The following ZDHHC9 variants were observed in gnomAD, a reference collection of about 807,000 sequenced individuals.
ZDHHC9 encodes palmitoyltransferase ZDHHC9.
ZDHHC9 carries 3 observed loss-of-function variants against 26.6 expected under a neutral mutation model. The observed-to-expected ratio is 0.11, with a 90% CI of 0.05 to 0.29. The LOEUF is 0.29. ZDHHC9 is among the 10% of genes least tolerant of loss of function. ZDHHC9 has a pLI of 1.00. For missense variants in ZDHHC9, 146 were observed against 296.4 expected, an observed-to-expected ratio of 0.49 and a Z score of 3.73; for synonymous variants, 111 against 109.4, an observed-to-expected ratio of 1.01 and a Z score of -0.09.
intron 2 of ZDHHC9, among the ~76,000 whole-genome samples, 195 bp from the exon 3 acceptor site, chrX:129,842,275 T>C (rs951874746): frequency 2.7e-5 from 3 of 112,351 alleles, no homozygotes; most frequent in Non-Finnish European, 5.6e-5. Flanking sequence ...GGAAAGGGGC[T>C]AGTATTTCTT....
Position 129,806,452 on chromosome X carries a change from G to C in ZDHHC9, c.1013C>G (p.Pro338Arg), listed in dbSNP as rs753807510. The change falls in exon 11 of 11, where the codon CCG becomes CGG. Residue 338 changes from proline (P) to arginine (R), a missense_variant. Pro to Arg is a moderately radical substitution (Grantham distance 103, BLOSUM62 -2). Coordinates refer to ENST00000357166, the MANE Select transcript of ZDHHC9 (RefSeq NM_016032.4). ...CTCTTCGGGAGTGCTGCTGTCCTCC[G>C]GCATCTCATTTGAGTTCAGGTGTTC... The part of the protein sequence containing the change: ...PTEHLNSNEM[P>R]EDSSTPEEMP... 1.7e-6 allele frequency: 2 copies of C among 1,209,380 alleles called. No homozygotes were observed. Among genetic ancestry groups the C allele is most frequent in the African/African-American group, 3.5e-5 (2 of 56,944 alleles).
intron 5 of ZDHHC9, 29 bp downstream of exon 5, chrX:129,823,650 C>G: frequency 8.3e-7 from 1 of 1,211,173 alleles, no homozygotes; most frequent in South Asian, 1.8e-5. Flanking sequence ...AGCCTTTTCC[C>G]TAGGCAATGT....
At chrX:129,833,403 AG>A (rs1428898642) in intron 3 of ZDHHC9, among the ~76,000 whole-genome samples, 2 of 111,695 alleles carry the variant, frequency 1.8e-5, no homozygotes, top group Non-Finnish European at 3.8e-5. Flanking sequence ...AGTTCACTGG[AG>A]GGATGATGAT....
intron 8 of ZDHHC9, among the ~76,000 whole-genome samples, chrX:129,812,177 G>A (rs1269282368): frequency 2.7e-5 from 3 of 110,037 alleles, no homozygotes; most frequent in Non-Finnish European, 5.7e-5. Context: ...TCCACCTCCC[G>A]GGTTCAAGTG....
chrX:129,823,665 G>A lies in ZDHHC9; in HGVS notation c.487+14C>T, dbSNP rs116739660. 14,595 of 1,209,966 alleles carry A rather than the reference G, an allele frequency of 0.012. 1,012 individuals carry two copies. In the African/African-American group the frequency reaches 0.21, roughly 18 times the overall value. On this transcript the variant is annotated intron_variant, in intron 5 of 10. Transcript: ENST00000357166. ...AGCCTTTTCCCTAGGCAATGTCCCT[G>A]TAGTTTTACTCACCCACACAGTTGT...
intron 3 of ZDHHC9, among the ~76,000 whole-genome samples, chrX:129,830,957 C>T (rs1928127538): frequency 9.0e-6 from 1 of 111,409 alleles, no homozygotes; most frequent in African/African-American, 3.3e-5. Flanking sequence ...TTATTTTTAA[C>T]AAAATCCTTC....
rs1272048743 is a variant in ZDHHC9, at chrX:129,803,943, T to A, written c.*2427A>T. 2 of 112,198 alleles carry A rather than the reference T, an allele frequency of 1.8e-5. No individual in the cohort carries two copies. The allele number at this position is 112,198 out of a possible 1,213,427, so 9.2% of individuals were successfully genotyped here. ...AGGGACAGTCCCAGCTGGTGCATGG[T>A]ATGAATGGGACAGATCTTCAGGCCA... On this transcript the variant is annotated 3_prime_UTR_variant, in exon 11 of 11. Coordinates refer to ENST00000357166, the MANE Select transcript of ZDHHC9 (RefSeq NM_016032.4).
At chrX:129,810,797 AG>A in intron 10 of ZDHHC9, 107 bp downstream of exon 10, 1 of 655,710 alleles carries the variant, frequency 1.5e-6, no homozygotes, top group Non-Finnish European at 2.5e-6. Flanking sequence ...GTGTAGAGGC[AG>A]GGAAGCTGGG....
In ZDHHC9 at chrX:129,825,078, G is replaced by A. The variant is rs762461352; in HGVS notation, c.329-1241C>T. On this transcript the variant is annotated intron_variant, in intron 4 of 10. Transcript: ENST00000357166. ...AGCACTTTGGGAGGCTGAGGCAGGC[G>A]GGGCACCTGAGATCAGGAGTTTGAG... Among the ~76,000 whole-genome samples, 6 of 111,652 alleles carry A rather than the reference G, an allele frequency of 5.4e-5. No individual in the cohort carries two copies. In the South Asian group the frequency reaches 1.9e-3, roughly 35 times the overall value.
intron 5 of ZDHHC9, among the ~76,000 whole-genome samples, chrX:129,818,766 C>A (rs1927813536): frequency 8.9e-6 from 1 of 112,022 alleles, no homozygotes; most frequent in African/African-American, 3.2e-5. Context: ...GGAAATATAG[C>A]AAAATGGAGA....
intron 5 of ZDHHC9, among the ~76,000 whole-genome samples, chrX:129,819,208 T>C (rs1408194535): frequency 2.2e-5 from 2 of 91,325 alleles, no homozygotes; most frequent in Non-Finnish European, 2.2e-5. Flanking sequence ...GAATAAAATA[T>C]ATCAATTTGA....
chrX:129,818,972 A>G (rs1029238421), intron 5 of ZDHHC9, among the ~76,000 whole-genome samples: 1 of 109,661 alleles, frequency 9.1e-6, no homozygotes, highest in Non-Finnish European at 1.9e-5. Flanking sequence ...GGAGATAGAG[A>G]CCATCCTGGC....
rs748570984 is a variant in ZDHHC9 at position 129,832,993 on chromosome X, C to T, written c.168-3852G>A. Among the ~76,000 whole-genome samples, 160 of 105,482 alleles carry T rather than the reference C, an allele frequency of 1.5e-3. 1 individual carries two copies. The highest frequency in any genetic ancestry group is 5.3e-3 in the African/African-American group (153 of 28,711). 91.6% of individuals were successfully genotyped at this position (105,482 alleles called of 115,157 possible). On this transcript the variant is annotated intron_variant, in intron 3 of 10. Transcript: ENST00000357166. The stretch of plus-strand genomic sequence containing the variant: ...AAAAAAAAAAAAAAAAAGACTAGGT[C>T]AGATCTGTCATCCACGAATATAAGC...
chrX:129,839,623 T>A (rs746254522), intron 3 of ZDHHC9, among the ~76,000 whole-genome samples: 1 of 111,554 alleles, frequency 9.0e-6, no homozygotes, highest in East Asian at 2.8e-4. Flanking sequence ...GGAGATTTCA[T>A]TCCTCAGAGG....
At chrX:129,813,651 A>G (rs1217922235) in intron 7 of ZDHHC9, 26 bp downstream of exon 7, 1 of 1,202,881 alleles carries the variant, frequency 8.3e-7, no homozygotes, top group African/African-American at 1.7e-5. Context: ...AAGGCTTCAC[A>G]GGGACATACT....
chrX:129,828,807 T>A (rs1928079089), intron 4 of ZDHHC9, among the ~76,000 whole-genome samples, 174 bp downstream of exon 4: 1 of 111,903 alleles, frequency 8.9e-6, no homozygotes, highest in Non-Finnish European at 1.9e-5. Context: ...GACTTTAGAC[T>A]GTTGCTAGAC....
intron 5 of ZDHHC9, among the ~76,000 whole-genome samples, chrX:129,817,167 G>A (rs919564949): frequency 1.8e-5 from 2 of 111,498 alleles, no homozygotes; most frequent in South Asian, 3.7e-4. Context: ...GAGCCACTGC[G>A]CCCGGCCGAA....
At chrX:129,807,184 C>T (rs1166353035) in intron 10 of ZDHHC9, among the ~76,000 whole-genome samples, 1 of 112,152 alleles carries the variant, frequency 8.9e-6, no homozygotes, top group South Asian at 3.7e-4. Flanking sequence ...CGGTGGCTCA[C>T]GCCTGTAATC....
chrX:129,810,269 C>T (rs774474415), intron 10 of ZDHHC9, among the ~76,000 whole-genome samples: 1 of 108,112 alleles, frequency 9.2e-6, no homozygotes, highest in South Asian at 4.1e-4. Flanking sequence ...ATTGCTTGAA[C>T]CTGGGAGGTG....
Sources: gnomAD v4.1 joint callset for allele counts (sites outside exome capture counted in the v4.1 genomes callset) on GRCh38, gnomAD v4.1.1 for gene constraint, MANE v1.5 for transcripts, NCBI Gene and HGNC (gene_info 2026-07-23, HGNC 2026-07-21) for gene names.